Variants in MIGA1 observed in about 807,000 individuals in gnomAD.
The protein encoded by MIGA1 is mitoguardin 1, also known as family with sequence similarity 73, member A.
Under a neutral mutation model 82.0 loss-of-function variants are expected in MIGA1, and 58 were observed. The observed-to-expected ratio is 0.71, with a 90% CI of 0.57 to 0.88. The LOEUF is 0.88. Among genes scored for constraint, MIGA1 ranks in the 40% least tolerant of loss-of-function variants. MIGA1 has a pLI of 0.00. For missense variants in MIGA1, 751 were observed against 749.1 expected (o/e 1.00, Z -0.03); for synonymous variants, 249 against 253.6 (o/e 0.98, Z 0.17).
At chr1:77,813,066 T>C (rs893132332) in intron 5 of MIGA1, among the ~76,000 whole-genome samples, 1 of 152,100 alleles carries the variant, frequency 6.6e-6, no homozygotes, top group Non-Finnish European at 1.5e-5. Flanking sequence ...CTGCAACCTC[T>C]GCCTCCCAGG....
intron 8 of MIGA1, chr1:77,847,844 T>C: frequency 3.7e-6 from 6 of 1,607,328 alleles, no homozygotes; most frequent in South Asian, 1.1e-5. Context: ...TTCAAACTGA[T>C]GTGAAAGTAG....
At chr1:77,838,831 A>G (rs772529859) in intron 7 of MIGA1, among the ~76,000 whole-genome samples, 1 of 152,190 alleles carries the variant, frequency 6.6e-6, no homozygotes, top group Admixed American at 6.5e-5. Flanking sequence ...GAATTTAATA[A>G]TAGTTTTTCA....
intron 5 of MIGA1, among the ~76,000 whole-genome samples, chr1:77,808,660 G>A (rs375004931): frequency 6.6e-6 from 1 of 152,132 alleles, no homozygotes; most frequent in South Asian, 2.1e-4. Context: ...CCTGTTCTCT[G>A]TTCTGTTTCA....
At chr1:77,814,217 T>C (rs1468099629) in intron 6 of MIGA1, among the ~76,000 whole-genome samples, 5 of 152,222 alleles carry the variant, frequency 3.3e-5, no homozygotes, top group African/African-American at 1.2e-4. Context: ...TGATTCAGTG[T>C]ATTTGCTTTA....
At chr1:77,832,528 T>C (rs553427985) in intron 7 of MIGA1, among the ~76,000 whole-genome samples, 37 of 152,276 alleles carry the variant, frequency 2.4e-4, no homozygotes, top group African/African-American at 8.7e-4. Context: ...GGAGCGGGGC[T>C]CATGGGAACG....
Position 77,803,354 on chromosome 1 carries a change from C to T in MIGA1, c.458C>T (p.Ala153Val), listed in dbSNP as rs754328336. 21 of 1,565,548 alleles carry T rather than the reference C, an allele frequency of 1.3e-5. No individual in the cohort carries two copies. In the South Asian group the frequency reaches 2.5e-4, roughly 19 times the overall value. The change falls in exon 4 of 16, where the codon GCT becomes GTT. Residue 153 changes from alanine to valine, a missense_variant. By Grantham distance (64) the Ala-to-Val change is moderately conservative. Transcript: ENST00000370791. ...AAAGGATCTCAAGTTTGTAACTATG[C>T]TAATGGAGGACTTTTCAGTAAATAT... is the stretch of plus-strand genomic sequence containing the variant.
At position 77,801,457 on chromosome 1, in the gene MIGA1, G is replaced by A; in HGVS notation, c.322G>A (p.Glu108Lys). Residue 108 changes from glutamate (E) to lysine (K), a missense_variant, in exon 3 of 16, where the codon GAA becomes AAA. By Grantham distance (56) the Glu-to-Lys change is moderately conservative (BLOSUM62 1). Transcript: ENST00000370791. ...GAAGAAAGGAAAAATATTACCATGG[G>A]AACCAGAGCACCTCATACTTGAATA... 12 of 1,606,274 alleles carry A rather than the reference G, an allele frequency of 7.5e-6. No individual in the cohort carries two copies. The highest frequency in any genetic ancestry group is 1.7e-5 in the Admixed American group (1 of 57,236).
chr1:77,785,591 C>G (rs994559429), intron 2 of MIGA1, among the ~76,000 whole-genome samples: 1 of 152,156 alleles, frequency 6.6e-6, no homozygotes, highest in Non-Finnish European at 1.5e-5. Flanking sequence ...GATCTGCCTG[C>G]CTTGGCCTCC....
chr1:77,849,072 A>G (rs981387096), intron 8 of MIGA1, among the ~76,000 whole-genome samples: 1 of 152,230 alleles, frequency 6.6e-6, no homozygotes, highest in African/African-American at 2.4e-5. Context: ...CTGTAGGTAC[A>G]TAATGAGGAA....
intron 7 of MIGA1, among the ~76,000 whole-genome samples, chr1:77,822,376 T>G (rs978544864): frequency 1.3e-5 from 2 of 152,160 alleles, no homozygotes; most frequent in African/African-American, 4.8e-5. Context: ...TAGTGAGCTA[T>G]GTTGGTACCT....
At chr1:77,811,706 C>T (rs200022724) in intron 5 of MIGA1, 27 of 1,611,904 alleles carry the variant, frequency 1.7e-5, no homozygotes, top group Non-Finnish European at 2.3e-5. Context: ...ACCAGCTGGC[C>T]CCAAGAGTCG....
In MIGA1 at chr1:77,813,794, G is replaced by A. The variant is rs1359690862; in HGVS notation, c.698G>A (p.Arg233Lys). 6.2e-7 allele frequency: 1 copy of A among 1,614,190 alleles called. No homozygotes were observed. The highest frequency in any genetic ancestry group is 1.1e-5 in the South Asian group (1 of 91,088). Residue 233 changes from arginine (R) to lysine (K), a missense_variant, in exon 6 of 16, where the codon AGA becomes AAA. Physicochemically the swap from Arg to Lys is conservative, Grantham distance 26. Transcript: ENST00000370791. Reference sequence around the variant, plus strand: ...GAACAAGCTCTGACCTTTCGCAATAGACAGGCTGAAGATGAAGCCTGTGGT... The same window carrying A: ...GAACAAGCTCTGACCTTTCGCAATAAACAGGCTGAAGATGAAGCCTGTGGT...
At chr1:77,859,453 T>G (rs529012069) in intron 10 of MIGA1, 67 bp downstream of exon 10, 1 of 1,073,848 alleles carries the variant, frequency 9.3e-7, no homozygotes, top group Admixed American at 1.7e-5. Context: ...TAGAGTCCAG[T>G]GCAAATAAAC....
chr1:77,849,738 A>G (rs1684975269), intron 8 of MIGA1, among the ~76,000 whole-genome samples: 1 of 152,090 alleles, frequency 6.6e-6, no homozygotes, highest in Admixed American at 6.6e-5. Flanking sequence ...TTTTTCTTCT[A>G]TGAAAGTATG....
chr1:77,813,927 T>G, intron 6 of MIGA1, 60 bp downstream of exon 6: 1 of 1,578,094 alleles, frequency 6.3e-7, no homozygotes, highest in Non-Finnish European at 8.6e-7. Context: ...TTTTTTTTTG[T>G]TTTTTTGGTA....
intron 7 of MIGA1, among the ~76,000 whole-genome samples, chr1:77,816,421 C>CT (rs1015396173): frequency 6.6e-6 from 1 of 152,030 alleles, no homozygotes; most frequent in Non-Finnish European, 1.5e-5. Flanking sequence ...AAAATAAAAG[C>CT]TAAGGAGTTT....
chr1:77,845,336 G>T (rs1684795882), intron 8 of MIGA1, among the ~76,000 whole-genome samples: 1 of 151,950 alleles, frequency 6.6e-6, no homozygotes, highest in African/African-American at 2.4e-5. Context: ...CTATGTCCTA[G>T]GTCGTTTGTA....
At chr1:77,846,520 G>A (rs1424606352) in intron 8 of MIGA1, among the ~76,000 whole-genome samples, 1 of 151,910 alleles carries the variant, frequency 6.6e-6, no homozygotes, top group Non-Finnish European at 1.5e-5. Context: ...TTTAAATAGA[G>A]GTGGGGTCTT....
Position 77,788,703 on chromosome 1 carries a change from T to C in MIGA1, c.195+5352T>C, listed in dbSNP as rs543225615. ...TACCATTTGTTGAAAAAACTCTCCA[T>C]TTCCGACTGAATGGTCTTGCACCCC... is the stretch of plus-strand genomic sequence containing the variant. On this transcript the variant is annotated intron_variant, in intron 2 of 15. Transcript: ENST00000370791. 1.8e-4 allele frequency among the ~76,000 whole-genome samples: 28 copies of C among 152,314 alleles called. No homozygotes were observed. The East Asian group carries it at 5.0e-3, about 27-fold the overall frequency.
Sources: gnomAD v4.1 joint callset for allele counts (sites outside exome capture counted in the v4.1 genomes callset) on GRCh38, gnomAD v4.1.1 for gene constraint, MANE v1.5 for transcripts, NCBI Gene and HGNC (gene_info 2026-07-23, HGNC 2026-07-21) for gene names.